Variants in CDH12 observed in about 807,000 individuals in gnomAD.
CDH12 encodes the protein cadherin-12.
CDH12 carries 41 observed loss-of-function variants against 74.1 expected under a neutral mutation model. That is an observed-to-expected ratio of 0.55 (90% CI 0.43 to 0.72). The LOEUF is 0.72. CDH12 is among the 30% of genes least tolerant of loss of function. The pLI is 0.00. For missense variants in CDH12, 945 were observed against 977.2 expected (o/e 0.97, Z 0.44); for synonymous variants, 399 against 355.0 (o/e 1.12, Z -1.39).
intron 4 of CDH12, among the ~76,000 whole-genome samples, chr5:22,190,701 C>T (rs893958566): frequency 3.6e-4 from 55 of 152,064 alleles, no homozygotes; most frequent in Admixed American, 1.3e-3. Context: ...GAGTGTGGTG[C>T]GAAAAGACAT....
chr5:22,166,661 A>G (rs1267396004), intron 4 of CDH12, among the ~76,000 whole-genome samples: 1 of 152,180 alleles, frequency 6.6e-6, no homozygotes, highest in Non-Finnish European at 1.5e-5. Flanking sequence ...CATGCTTTTA[A>G]AATATTTTGA....
chr5:22,124,196 G>A (rs1168592636), intron 4 of CDH12, among the ~76,000 whole-genome samples: 3 of 151,436 alleles, frequency 2.0e-5, no homozygotes, highest in East Asian at 1.9e-4. Context: ...TCGCTTCGTC[G>A]CCAGGCTGCA....
chr5:22,049,733 G>A (rs1441813829), intron 5 of CDH12, among the ~76,000 whole-genome samples: 2 of 152,126 alleles, frequency 1.3e-5, no homozygotes, highest in Non-Finnish European at 2.9e-5. Context: ...TGAGGTAACT[G>A]TTGTTGTAGG....
At chr5:22,847,881 T>A (rs1429395473) in intron 1 of CDH12, among the ~76,000 whole-genome samples, 12 of 135,200 alleles carry the variant, frequency 8.9e-5, no homozygotes. Flanking sequence ...TTTTTTTTTC[T>A]TTCTTTCTTT....
At chr5:21,763,183 T>C (rs1385244643) in intron 12 of CDH12, among the ~76,000 whole-genome samples, 1 of 151,968 alleles carries the variant, frequency 6.6e-6, no homozygotes, top group African/African-American at 2.4e-5. Context: ...GATTAATGAG[T>C]CCCCACATTA....
rs1251993002 is a variant in CDH12 at position 22,353,156 on chromosome 5, T to C, written c.-333+52101A>G. ...ATCATTTTCTCTCCAACAGTGTTTA[T>C]GTATTTACTAAAGCAATATGATGCC... is the stretch of plus-strand genomic sequence containing the variant. On this transcript the variant is annotated intron_variant, in intron 3 of 14. Coordinates refer to ENST00000382254, the MANE Select transcript of CDH12 (RefSeq NM_004061.5). Among the ~76,000 whole-genome samples the C allele has an allele frequency of 2.0e-5, 3 of 152,230 alleles. No homozygotes were observed. In the East Asian group the frequency reaches 5.8e-4, roughly 29 times the overall value.
At chr5:22,471,147 A>C (rs1212251781) in intron 2 of CDH12, among the ~76,000 whole-genome samples, 1 of 152,128 alleles carries the variant, frequency 6.6e-6, no homozygotes, top group Non-Finnish European at 1.5e-5. Context: ...AGAAAACAGG[A>C]AGCATTCAGG....
chr5:22,079,162 T>C (rs1253938639), intron 4 of CDH12, among the ~76,000 whole-genome samples: 1 of 152,180 alleles, frequency 6.6e-6, no homozygotes, highest in Non-Finnish European at 1.5e-5. Context: ...TATTTTAAAG[T>C]GAGCTATTAA....
intron 1 of CDH12, among the ~76,000 whole-genome samples, chr5:22,746,325 A>G (rs957586619): frequency 3.9e-5 from 6 of 152,128 alleles, no homozygotes; most frequent in Non-Finnish European, 7.4e-5. Flanking sequence ...CAACAATTTT[A>G]AAAAAAGAAG....
At chr5:22,549,362 CT>C (rs369084416) in intron 1 of CDH12, among the ~76,000 whole-genome samples, 1,945 of 148,838 alleles carry the variant, frequency 0.013, 34 homozygotes, top group Admixed American at 0.054. Context: ...TTATCTTTTC[CT>C]TTTTTTTTTC....
At chr5:22,811,717 G>T (rs895430188) in intron 1 of CDH12, among the ~76,000 whole-genome samples, 2 of 152,174 alleles carry the variant, frequency 1.3e-5, no homozygotes, top group Admixed American at 6.6e-5. Context: ...GCAGGATCCT[G>T]GGGCTAGTAA....
chr5:22,395,704 AT>A (rs757308452), intron 3 of CDH12, among the ~76,000 whole-genome samples: 2 of 152,136 alleles, frequency 1.3e-5, no homozygotes, highest in Non-Finnish European at 2.9e-5. Flanking sequence ...ACTAGTGGAA[AT>A]GCCAGTCCTG....
At chr5:22,149,806 C>A (rs1747446511) in intron 4 of CDH12, among the ~76,000 whole-genome samples, 1 of 151,936 alleles carries the variant, frequency 6.6e-6, no homozygotes, top group Non-Finnish European at 1.5e-5. Flanking sequence ...ACCAGCCTGG[C>A]CAAGATGGTG....
intron 1 of CDH12, among the ~76,000 whole-genome samples, chr5:22,819,994 C>CAT (rs1176644093): frequency 4.8e-5 from 7 of 145,012 alleles, no homozygotes; most frequent in South Asian, 4.2e-4. Flanking sequence ...TATACATATA[C>CAT]ATATATATAC....
At chr5:22,208,160 C>T (rs4487459) in intron 4 of CDH12, among the ~76,000 whole-genome samples, 111,199 of 152,132 alleles carry the variant, frequency 0.73, 41,624 homozygotes, top group East Asian at 0.87. Flanking sequence ...ACTGCCCTAT[C>T]CATTGTCTAC....
chr5:22,496,558 G>A (rs1747110353), intron 2 of CDH12, among the ~76,000 whole-genome samples: 1 of 152,120 alleles, frequency 6.6e-6, no homozygotes, highest in South Asian at 2.1e-4. Context: ...TTCCTTTCAA[G>A]CTTCTGCCTT....
intron 1 of CDH12, among the ~76,000 whole-genome samples, chr5:22,825,809 G>A (rs1270811300): frequency 1.3e-5 from 2 of 152,124 alleles, no homozygotes; most frequent in African/African-American, 2.4e-5. Flanking sequence ...TAGGAGTTGT[G>A]TTAAAGACCA....
intron 2 of CDH12, among the ~76,000 whole-genome samples, chr5:22,433,877 G>A (rs1388226307): frequency 6.6e-6 from 1 of 152,082 alleles, no homozygotes; most frequent in Non-Finnish European, 1.5e-5. Context: ...TTAAAACACA[G>A]CATCAGAATC....
At chr5:22,627,259 A>G (rs1180330091) in intron 1 of CDH12, among the ~76,000 whole-genome samples, 1 of 152,094 alleles carries the variant, frequency 6.6e-6, no homozygotes, top group Non-Finnish European at 1.5e-5. Context: ...AATACTATAC[A>G]GGATGATTAT....
Sources: allele counts gnomAD v4.1 joint callset (sites outside exome capture counted in the v4.1 genomes callset), GRCh38; gene constraint gnomAD v4.1.1; transcripts MANE v1.5; gene names NCBI Gene and HGNC (gene_info 2026-07-23, HGNC 2026-07-21).